The following B3GALT1 variants were observed in gnomAD, a reference collection of about 807,000 sequenced individuals.
B3GALT1 encodes the protein beta-1,3-galactosyltransferase 1, also known as UDP-Gal:betaGlcNAc beta 1,3-galactosyltransferase, polypeptide 1.
Under a neutral mutation model 23.2 loss-of-function variants are expected in B3GALT1, and 10 were observed. That is an observed-to-expected ratio of 0.43 (90% CI 0.27 to 0.73). The LOEUF is 0.73. Among genes scored for constraint, B3GALT1 ranks in the 30% least tolerant of loss-of-function variants. B3GALT1 has a pLI of 0.21. For synonymous variants in B3GALT1, 156 were observed against 141.5 expected (o/e 1.10, Z -0.73); for missense variants, 299 against 405.4 (o/e 0.74, Z 2.25).
chr2:167,597,813 T>A (rs977128024), intron 2 of B3GALT1, among the ~76,000 whole-genome samples: 7 of 152,308 alleles, frequency 4.6e-5, no homozygotes, highest in Admixed American at 3.9e-4. Flanking sequence ...GACTCTCCAA[T>A]AATGCCATCT....
intron 2 of B3GALT1, among the ~76,000 whole-genome samples, chr2:167,631,165 C>T (rs1685434343): frequency 6.6e-6 from 1 of 151,694 alleles, no homozygotes; most frequent in Admixed American, 6.6e-5. Flanking sequence ...AGCTATTTAG[C>T]CAAAATTATT....
intron 2 of B3GALT1, among the ~76,000 whole-genome samples, chr2:167,642,694 C>T (rs958396521): frequency 6.6e-6 from 1 of 152,116 alleles, no homozygotes; most frequent in African/African-American, 2.4e-5. Context: ...AGCCTATAAC[C>T]TGCCTTATTT....
chr2:167,319,984 C>T (rs1574031096), intron 1 of B3GALT1, among the ~76,000 whole-genome samples: 1 of 152,030 alleles, frequency 6.6e-6, no homozygotes, highest in Non-Finnish European at 1.5e-5. Flanking sequence ...GTTTCTTATG[C>T]TAGAAGTGAT....
chr2:167,672,118 A>G (rs1023489080), intron 3 of B3GALT1, among the ~76,000 whole-genome samples: 4 of 152,144 alleles, frequency 2.6e-5, no homozygotes, highest in Non-Finnish European at 1.5e-5. Context: ...TCCAAACTAA[A>G]TAATGTATTT....
chr2:167,449,151 A>G (rs776899501), intron 1 of B3GALT1, among the ~76,000 whole-genome samples: 1 of 151,946 alleles, frequency 6.6e-6, no homozygotes, highest in East Asian at 1.9e-4. Context: ...TGGCATTTTG[A>G]TGGGAATTGC....
At chr2:167,747,793 A>G (rs190202992) in intron 3 of B3GALT1, among the ~76,000 whole-genome samples, 13 of 152,346 alleles carry the variant, frequency 8.5e-5, no homozygotes, top group Admixed American at 5.2e-4. Context: ...GATCAAAAGT[A>G]TGAAGGCGTC....
intron 4 of B3GALT1, among the ~76,000 whole-genome samples, chr2:167,865,637 A>G (rs1008529811): frequency 3.0e-4 from 45 of 151,634 alleles, no homozygotes; most frequent in Non-Finnish European, 5.3e-4. Context: ...TAAAAAATAC[A>G]AAAAATTAGC....
intron 1 of B3GALT1, among the ~76,000 whole-genome samples, chr2:167,313,574 T>G (rs2105487864): frequency 6.6e-6 from 1 of 152,234 alleles, no homozygotes; most frequent in East Asian, 1.9e-4. Context: ...AAAGTGTCCC[T>G]CCAATACAGA....
At chr2:167,639,509 A>G (rs960700688) in intron 2 of B3GALT1, among the ~76,000 whole-genome samples, 16 of 152,092 alleles carry the variant, frequency 1.1e-4, no homozygotes, top group Admixed American at 3.3e-4. Flanking sequence ...TAACTCCTTC[A>G]TAACTGTTAT....
intron 1 of B3GALT1, among the ~76,000 whole-genome samples, chr2:167,401,533 A>G (rs530749003): frequency 6.6e-6 from 1 of 152,186 alleles, no homozygotes; most frequent in South Asian, 2.1e-4. Flanking sequence ...TTTCCCTAGC[A>G]GGCTGCCTTC....
chr2:167,447,096 T>C (rs1699010187), intron 1 of B3GALT1, among the ~76,000 whole-genome samples: 1 of 152,264 alleles, frequency 6.6e-6, no homozygotes. Context: ...GACCATCAGC[T>C]ACAGGTCTGT....
At chr2:167,486,126 C>G (rs563047210) in intron 1 of B3GALT1, among the ~76,000 whole-genome samples, 1 of 152,124 alleles carries the variant, frequency 6.6e-6, no homozygotes, top group African/African-American at 2.4e-5. Flanking sequence ...CTTTGGAGGC[C>G]AAGGCAGGTG....
intron 2 of B3GALT1, among the ~76,000 whole-genome samples, chr2:167,607,945 A>G (rs1314397139): frequency 1.3e-5 from 2 of 152,154 alleles, no homozygotes; most frequent in African/African-American, 4.8e-5. Context: ...TAGTGCAATT[A>G]TCCTTCCATC....
At chr2:167,636,392 G>A (rs1355383076) in intron 2 of B3GALT1, among the ~76,000 whole-genome samples, 1 of 152,026 alleles carries the variant, frequency 6.6e-6, no homozygotes, top group Non-Finnish European at 1.5e-5. Flanking sequence ...TGGTAGGAGT[G>A]TAAATTAGTT....
chr2:167,864,588 A>G (rs1690172281), intron 4 of B3GALT1, among the ~76,000 whole-genome samples: 1 of 152,184 alleles, frequency 6.6e-6, no homozygotes, highest in Non-Finnish European at 1.5e-5. Flanking sequence ...AAATAAATGC[A>G]TATATCACTG....
intron 3 of B3GALT1, among the ~76,000 whole-genome samples, chr2:167,687,364 A>G (rs988089317): frequency 6.6e-6 from 1 of 152,216 alleles, no homozygotes; most frequent in Non-Finnish European, 1.5e-5. Flanking sequence ...TTAAGTGAAG[A>G]TAAGCTAAAG....
At chr2:167,581,015 C>T (rs1043811806) in intron 2 of B3GALT1, among the ~76,000 whole-genome samples, 23 of 152,272 alleles carry the variant, frequency 1.5e-4, no homozygotes, top group African/African-American at 5.3e-4. Flanking sequence ...TCTCCTCCTC[C>T]ACTCACCCCA....
At position 167,868,837 on chromosome 2, in the gene B3GALT1, G is replaced by T; in HGVS notation, c.-203G>T. 1 of 564,486 alleles carries T rather than the reference G, an allele frequency of 1.8e-6. No homozygotes were observed. Among genetic ancestry groups the T allele is most frequent in the Non-Finnish European group, 3.0e-6 (1 of 328,460 alleles). The allele number at this position is 564,486 out of a possible 1,614,324, so 35.0% of individuals were successfully genotyped here. On this transcript the variant is annotated 5_prime_UTR_variant, in exon 5 of 5. An upstream start codon of the reference 5' UTR is lost. Transcript: ENST00000392690. The stretch of plus-strand genomic sequence containing the variant: ...GTTAAGAGGAAGATTTATGAGTCAT[G>T]GAACCCTCCATCAGATTTGGAAGAA...
intron 2 of B3GALT1, among the ~76,000 whole-genome samples, chr2:167,610,919 AAAAAAAAAG>A (rs978517451): frequency 2.0e-5 from 3 of 150,258 alleles, no homozygotes; most frequent in African/African-American, 2.4e-5. Flanking sequence ...ACAAAAAAAA[AAAAAAAAAG>A]AGAGAGAGAG....
Sources: gnomAD v4.1 joint callset for allele counts (sites outside exome capture counted in the v4.1 genomes callset) on GRCh38, gnomAD v4.1.1 for gene constraint, MANE v1.5 for transcripts, NCBI Gene and HGNC (gene_info 2026-07-23, HGNC 2026-07-21) for gene names.